The following PRKN variants were observed in gnomAD, a reference collection of about 807,000 sequenced individuals.
PRKN encodes the protein parkin RBR E3 ubiquitin protein ligase, also known as E3 ubiquitin-protein ligase parkin.
Under a neutral mutation model 59.5 loss-of-function variants are expected in PRKN, and 56 were observed. The ratio of observed to expected loss-of-function variants is 0.94; its 90% CI spans 0.76 to 1.18. The LOEUF is 1.18. Ranked by LOEUF, PRKN falls within the 50% of genes most tolerant of loss-of-function variation. PRKN has a pLI of 0.00. For missense variants in PRKN, 657 were observed against 596.4 expected (o/e 1.10, Z -1.06); for synonymous variants, 250 against 222.1 (o/e 1.13, Z -1.12).
intron 4 of PRKN, among the ~76,000 whole-genome samples, chr6:162,140,203 C>A (rs1461095586): frequency 4.6e-5 from 7 of 152,154 alleles, no homozygotes; most frequent in African/African-American, 1.7e-4. Flanking sequence ...TCCAACTTCC[C>A]TTTTAGTTTC....
chr6:162,041,262 G>A (rs1019620954), intron 5 of PRKN, among the ~76,000 whole-genome samples: 2 of 152,134 alleles, frequency 1.3e-5, no homozygotes, highest in Non-Finnish European at 2.9e-5. Context: ...GAACATCATG[G>A]TTCATAGTCT....
chr6:162,390,302 GT>G (rs1481836643), intron 2 of PRKN, among the ~76,000 whole-genome samples: 1 of 148,740 alleles, frequency 6.7e-6, no homozygotes, highest in African/African-American at 2.5e-5. Context: ...GAAATTTTTA[GT>G]TTTTTAAAGA....
At chr6:162,440,790 A>G (rs564762915) in intron 2 of PRKN, among the ~76,000 whole-genome samples, 24 of 152,054 alleles carry the variant, frequency 1.6e-4, no homozygotes, top group African/African-American at 5.8e-4. Flanking sequence ...TTATTATTAG[A>G]TATTTTGTGC....
rs1782587748 is a variant in PRKN, at chr6:162,157,963, CTGAATTCATATTAA to C, written c.534+43154_534+43167del. Reference sequence around the variant, plus strand: ...TTGTTGAAACTTCTTAATTTAATATCTGAATTCATATTAAAGCCTTCTATGTTTCTTTGAGATTA... The same window carrying C: ...TTGTTGAAACTTCTTAATTTAATATCAGCCTTCTATGTTTCTTTGAGATTA... On this transcript the variant is annotated intron_variant, in intron 4 of 11. Transcript: ENST00000366898. Among the ~76,000 whole-genome samples, 12 of 152,102 alleles carry C rather than the reference CTGAATTCATATTAA, an allele frequency of 7.9e-5. No homozygotes were observed. The South Asian group carries it at 2.5e-3, about 32-fold the overall frequency.
intron 1 of PRKN, among the ~76,000 whole-genome samples, chr6:162,483,710 T>C (rs141583403): frequency 2.4e-4 from 36 of 152,304 alleles, no homozygotes; most frequent in African/African-American, 6.5e-4. Context: ...GAAGGACAAG[T>C]TGGACAGCTC....
At chr6:162,156,766 A>G (rs1294690520) in intron 4 of PRKN, among the ~76,000 whole-genome samples, 1 of 152,094 alleles carries the variant, frequency 6.6e-6, no homozygotes, top group Non-Finnish European at 1.5e-5. Context: ...AATCCAGTTA[A>G]GTCGACACTC....
intron 6 of PRKN, among the ~76,000 whole-genome samples, chr6:161,803,833 A>G (rs1791194672): frequency 6.6e-6 from 1 of 152,220 alleles, no homozygotes; most frequent in South Asian, 2.1e-4. Flanking sequence ...TGCGACACAG[A>G]TGCATTTCAT....
At chr6:162,658,977 T>C (rs966191425) in intron 1 of PRKN, among the ~76,000 whole-genome samples, 2 of 152,320 alleles carry the variant, frequency 1.3e-5, no homozygotes, top group African/African-American at 4.8e-5. Context: ...TCTATCAATA[T>C]ATACCTTTGG....
intron 1 of PRKN, among the ~76,000 whole-genome samples, chr6:162,681,600 C>G (rs543220934): frequency 3.3e-5 from 5 of 152,260 alleles, no homozygotes; most frequent in African/African-American, 1.2e-4. Flanking sequence ...TACAGCCAAT[C>G]AAAATGATTG....
chr6:161,927,840 A>G (rs201975231), intron 6 of PRKN, among the ~76,000 whole-genome samples: 1 of 152,196 alleles, frequency 6.6e-6, no homozygotes, highest in East Asian at 1.9e-4. Context: ...ATTATTTTAG[A>G]GTGAAGAACT....
intron 1 of PRKN, among the ~76,000 whole-genome samples, chr6:162,639,985 ACT>A (rs1232227681): frequency 6.6e-6 from 1 of 151,934 alleles, no homozygotes; most frequent in Non-Finnish European, 1.5e-5. Context: ...AGTGTAGGAG[ACT>A]CAGCCCAAGA....
At chr6:162,616,808 C>T (rs186484006) in intron 1 of PRKN, among the ~76,000 whole-genome samples, 2 of 152,080 alleles carry the variant, frequency 1.3e-5, no homozygotes, top group South Asian at 2.1e-4. Context: ...GCAATATAAT[C>T]GAGAAATGCT....
At chr6:161,494,125 T>G (rs1300150697) in intron 9 of PRKN, among the ~76,000 whole-genome samples, 1 of 152,210 alleles carries the variant, frequency 6.6e-6, no homozygotes, top group Non-Finnish European at 1.5e-5. Flanking sequence ...TATACCATAT[T>G]TAATAGAACA....
chr6:161,689,821 C>T (rs933298820), intron 7 of PRKN, among the ~76,000 whole-genome samples: 1 of 152,070 alleles, frequency 6.6e-6, no homozygotes, highest in African/African-American at 2.4e-5. Flanking sequence ...AGTGATTCTC[C>T]TACCTCAACT....
chr6:162,203,065 T>C (rs1784796521), intron 3 of PRKN, among the ~76,000 whole-genome samples: 1 of 152,168 alleles, frequency 6.6e-6, no homozygotes, highest in South Asian at 2.1e-4. Context: ...TGAAAGAGCA[T>C]ATTAGCAAGA....
chr6:161,906,184 G>A (rs550564032), intron 6 of PRKN, among the ~76,000 whole-genome samples: 1 of 152,142 alleles, frequency 6.6e-6, no homozygotes, highest in East Asian at 1.9e-4. Context: ...ACATTGTTGA[G>A]TTTCCTTGTC....
intron 1 of PRKN, among the ~76,000 whole-genome samples, chr6:162,475,773 G>A (rs1325363533): frequency 2.6e-5 from 4 of 152,182 alleles, no homozygotes; most frequent in Non-Finnish European, 2.9e-5. Context: ...ATTTTGAGAC[G>A]GAGTCTCGCT....
At chr6:162,432,794 T>G (rs1190391580) in intron 2 of PRKN, among the ~76,000 whole-genome samples, 2 of 152,208 alleles carry the variant, frequency 1.3e-5, no homozygotes, top group African/African-American at 4.8e-5. Flanking sequence ...AAGCGACTCA[T>G]GAATTCTTAG....
rs1393448166 is a variant in PRKN, at chr6:161,545,715, T to C, written c.1083+3139A>G. 6.6e-6 allele frequency among the ~76,000 whole-genome samples: 1 copy of C among 152,210 alleles called. No homozygotes were observed. The highest frequency in any genetic ancestry group is 1.5e-5 in the Non-Finnish European group (1 of 68,028). ...GTGTTTATGACCTCTATATATGCTA[T>C]AGGGAGCCCACAGATGTAGCTTTAG... On this transcript the variant is annotated intron_variant, in intron 9 of 11. Coordinates refer to ENST00000366898, the MANE Select transcript of PRKN (RefSeq NM_004562.3). The surrounding 1 kb of genome is among the most constrained non-coding windows in gnomAD (Gnocchi z 4.1).
Sources: gnomAD v4.1 joint callset for allele counts (sites outside exome capture counted in the v4.1 genomes callset) on GRCh38, gnomAD v4.1.1 for gene constraint, Gnocchi (gnomAD v3.1) non-coding constraint, MANE v1.5 for transcripts, NCBI Gene and HGNC (gene_info 2026-07-23, HGNC 2026-07-21) for gene names.